The following GRM8 variants were observed in gnomAD, a reference collection of about 807,000 sequenced individuals.
The protein encoded by GRM8 is metabotropic glutamate receptor 8.
A neutral mutation model predicts 87.2 loss-of-function variants in GRM8; 47 were observed. The observed-to-expected ratio is 0.54, with a 90% CI of 0.43 to 0.69. The LOEUF (loss-of-function observed/expected upper bound fraction) is 0.69, where lower values mean the gene tolerates loss of function less well. Among genes scored for constraint, GRM8 ranks in the 30% least tolerant of loss-of-function variants. GRM8 has a pLI of 0.00. For missense variants in GRM8, 1,019 were observed against 1,139.2 expected (o/e 0.89, Z 1.52); for synonymous variants, 396 against 404.5 (o/e 0.98, Z 0.25).
At chr7:126,546,336 C>T (rs1201343890) in intron 8 of GRM8, among the ~76,000 whole-genome samples, 1 of 152,162 alleles carries the variant, frequency 6.6e-6, no homozygotes, top group African/African-American at 2.4e-5. Flanking sequence ...TACTGAATCA[C>T]ATTTTACTGT....
At position 126,452,173 on chromosome 7, in the gene GRM8, C is replaced by G. The variant is rs190928002; in HGVS notation, c.2431-5801G>C. On this transcript the variant is annotated intron_variant, in intron 9 of 10. Transcript: ENST00000339582. ...GCTGGAAACCATCATTCTCAGCAAA[C>G]TATCACAAGGACAAAAAACCAAACA... Among the ~76,000 whole-genome samples the G allele has an allele frequency of 3.2e-3, 490 of 150,862 alleles. 2 individuals are homozygous for G. The highest frequency in any genetic ancestry group is 0.011 in the African/African-American group (464 of 41,108).
intron 6 of GRM8, among the ~76,000 whole-genome samples, chr7:126,843,447 T>G (rs902723599): frequency 6.6e-6 from 1 of 152,230 alleles, no homozygotes; most frequent in Non-Finnish European, 1.5e-5. Flanking sequence ...CAAATACATT[T>G]CTAGTGAGAC....
intron 4 of GRM8, 80 bp from the exon 5 acceptor site, chr7:126,904,206 G>A (rs1307657863): frequency 1.6e-5 from 19 of 1,197,518 alleles, no homozygotes; most frequent in Non-Finnish European, 2.3e-5. Context: ...CCAGATTTAG[G>A]AAGTTGTATA....
intron 3 of GRM8, among the ~76,000 whole-genome samples, chr7:127,025,038 T>C (rs1816642544): frequency 6.6e-6 from 1 of 152,100 alleles, no homozygotes; most frequent in African/African-American, 2.4e-5. Flanking sequence ...AACAGTGCTA[T>C]GTCAACTCCC....
At chr7:126,946,749 T>C (rs763883410) in intron 3 of GRM8, among the ~76,000 whole-genome samples, 10 of 152,234 alleles carry the variant, frequency 6.6e-5, no homozygotes, top group Non-Finnish European at 1.0e-4. Flanking sequence ...TCATGAGCAA[T>C]AGTAAATGCT....
intron 3 of GRM8, among the ~76,000 whole-genome samples, chr7:126,961,940 C>T (rs961283735): frequency 3.3e-5 from 5 of 152,168 alleles, no homozygotes; most frequent in Non-Finnish European, 5.9e-5. Flanking sequence ...CCTCCAATGG[C>T]TCCAACTAGA....
intron 3 of GRM8, among the ~76,000 whole-genome samples, chr7:127,016,298 G>T (rs1173034728): frequency 6.6e-6 from 1 of 151,936 alleles, no homozygotes; most frequent in South Asian, 2.1e-4. Context: ...TCTAAGCATG[G>T]CCCTAATTCC....
At chr7:126,646,770 AG>A (rs1418403741) in intron 7 of GRM8, among the ~76,000 whole-genome samples, 4 of 152,234 alleles carry the variant, frequency 2.6e-5, no homozygotes, top group Non-Finnish European at 5.9e-5. Flanking sequence ...ATCCATGTAA[AG>A]TGCTTAATCT....
At position 126,832,188 on chromosome 7, in the gene GRM8, A is replaced by G. The variant is rs562041608; in HGVS notation, c.1157-62123T>C. On this transcript the variant is annotated intron_variant, in intron 6 of 10. Coordinates refer to ENST00000339582, the MANE Select transcript of GRM8 (RefSeq NM_000845.3). Reference sequence around the variant, plus strand: ...CCATCTTCCAAAAAAAAAAAAAAGAAAAAGAAAAGATAAAGAAAGAAAAGA... The same window carrying G: ...CCATCTTCCAAAAAAAAAAAAAAGAGAAAGAAAAGATAAAGAAAGAAAAGA... Among the ~76,000 whole-genome samples, 1,383 of 151,830 alleles carry G rather than the reference A, an allele frequency of 9.1e-3. 11 individuals are homozygous for G. Among genetic ancestry groups the G allele is most frequent in the African/African-American group, 0.031 (1,289 of 41,382 alleles).
At chr7:126,832,589 A>G (rs1795495701) in intron 6 of GRM8, among the ~76,000 whole-genome samples, 1 of 152,248 alleles carries the variant, frequency 6.6e-6, no homozygotes, top group Non-Finnish European at 1.5e-5. Flanking sequence ...CTTACACATT[A>G]TGTCATCAAA....
chr7:126,601,012 T>C (rs543402220), intron 8 of GRM8, among the ~76,000 whole-genome samples: 1 of 151,922 alleles, frequency 6.6e-6, no homozygotes, highest in African/African-American at 2.4e-5. Context: ...ACATGTGCCA[T>C]GCTGGTGCGC....
chr7:127,233,402 G>C (rs577516081), intron 2 of GRM8, among the ~76,000 whole-genome samples: 1 of 152,196 alleles, frequency 6.6e-6, no homozygotes, highest in South Asian at 2.1e-4. Flanking sequence ...ATTTACATCA[G>C]TATGACATGG....
chr7:126,470,179 T>C (rs1804992506), intron 9 of GRM8, among the ~76,000 whole-genome samples: 1 of 151,926 alleles, frequency 6.6e-6, no homozygotes, highest in Admixed American at 6.6e-5. Context: ...GAAGAATTTC[T>C]TTTTTTTATT....
At chr7:127,228,743 A>C (rs1797500165) in intron 2 of GRM8, 1 of 152,188 alleles carries the variant, frequency 6.6e-6, no homozygotes, top group South Asian at 2.1e-4. Context: ...GGTATTATCC[A>C]TTTTATTTGA....
intron 2 of GRM8, among the ~76,000 whole-genome samples, chr7:127,198,506 C>A (rs544954764): frequency 4.9e-4 from 75 of 152,264 alleles, no homozygotes; most frequent in African/African-American, 1.8e-3. Flanking sequence ...TTATAAAGCA[C>A]CCTGTGCATA....
rs182950301 is a variant in GRM8, at chr7:126,631,060, G to T, written c.1358-21562C>A. 3.3e-5 allele frequency among the ~76,000 whole-genome samples: 5 copies of T among 152,126 alleles called. 1 individual carries two copies. The highest frequency in any genetic ancestry group is 2.0e-4 in the Admixed American group (3 of 15,274). Reference sequence around the variant, plus strand: ...AATCAGGCAAAATAAAAAAATAAAGGGTATTCAAATAGGAAGAGAGGAAGT... The same window carrying T: ...AATCAGGCAAAATAAAAAAATAAAGTGTATTCAAATAGGAAGAGAGGAAGT... On this transcript the variant is annotated intron_variant, in intron 7 of 10. Coordinates refer to ENST00000339582, the MANE Select transcript of GRM8 (RefSeq NM_000845.3).
rs62468866 is a variant in GRM8 at position 126,942,130 on chromosome 7, G to T, written c.728-37447C>A. ...AGGAAAACTACTTTCTGGATGTTTT[G>T]ATTACATGAGCAAGCAAATTTCCAA... On this transcript the variant is annotated intron_variant, in intron 3 of 10. Transcript: ENST00000339582. Among the ~76,000 whole-genome samples the T allele has an allele frequency of 3.3e-3, 495 of 152,064 alleles. 6 individuals are homozygous for T. The highest frequency in any genetic ancestry group is 3.5e-3 in the Non-Finnish European group (236 of 68,020).
At chr7:126,583,634 C>G (rs1247479880) in intron 8 of GRM8, among the ~76,000 whole-genome samples, 1 of 152,102 alleles carries the variant, frequency 6.6e-6, no homozygotes, top group Non-Finnish European at 1.5e-5. Flanking sequence ...GAGGAAGTAA[C>G]TGTAGAAGTG....
rs1230495589 is a variant in GRM8 at position 126,844,181 on chromosome 7, A to AT, written c.1156+58360dup. 2.0e-5 allele frequency among the ~76,000 whole-genome samples: 3 copies of AT among 152,160 alleles called. No homozygotes were observed. In the East Asian group the frequency reaches 5.8e-4, roughly 29 times the overall value. On this transcript the variant is annotated intron_variant, in intron 6 of 10. Transcript: ENST00000339582. ...TGGCATTAAGCATTTATAGAACAAC[A>AT]TTTTGAGACACTGATTATTGTACCA...
Sources: allele counts gnomAD v4.1 joint callset (sites outside exome capture counted in the v4.1 genomes callset), GRCh38; gene constraint gnomAD v4.1.1; transcripts MANE v1.5; gene names NCBI Gene and HGNC (gene_info 2026-07-23, HGNC 2026-07-21).